The following KCNK12 variants were observed in gnomAD, a reference collection of about 807,000 sequenced individuals.
KCNK12 encodes potassium two pore domain channel subfamily K member 12.
KCNK12 carries 6 observed loss-of-function variants against 25.3 expected under a neutral mutation model. That is an observed-to-expected ratio of 0.24 (90% CI 0.13 to 0.47). The LOEUF (loss-of-function observed/expected upper bound fraction) is 0.47. Ranked by LOEUF, KCNK12 falls within the 20% of genes least tolerant of loss-of-function variation. The pLI, the probability that KCNK12 is intolerant of heterozygous loss-of-function variation, is 0.99. For missense variants in KCNK12, 444 were observed against 661.7 expected, an observed-to-expected ratio of 0.67 and a Z score of 3.61; for synonymous variants, 331 against 311.1, an observed-to-expected ratio of 1.06 and a Z score of -0.67.
chr2:47,564,402 C>G (rs1669749402), intron 1 of KCNK12: 2 of 226,322 alleles, frequency 8.8e-6, no homozygotes, highest in Non-Finnish European at 1.8e-5. Flanking sequence ...AAGATGATCA[C>G]TGTGTCATTA....
At position 47,515,813 on chromosome 2, in the gene KCNK12, G is replaced by A. The variant is rs185385253; in HGVS notation, c.*5094C>T. Among the ~76,000 whole-genome samples, 390 of 152,300 alleles carry A rather than the reference G, an allele frequency of 2.6e-3. 2 individuals carry two copies. The highest frequency in any genetic ancestry group is 8.9e-3 in the African/African-American group (370 of 41,572). On this transcript the variant is annotated 3_prime_UTR_variant, in exon 2 of 2. Coordinates refer to ENST00000327876, the MANE Select transcript of KCNK12 (RefSeq NM_022055.2). ...GCAAGTAAGCTGCTTCTGAAAAGAA[G>A]GGGTTTGCAAAGCCAACCCAGGCAA... is the stretch of plus-strand genomic sequence containing the variant.
At chr2:47,536,440 C>G (rs1026615328) in intron 1 of KCNK12, among the ~76,000 whole-genome samples, 1 of 152,230 alleles carries the variant, frequency 6.6e-6, no homozygotes, top group Non-Finnish European at 1.5e-5. Flanking sequence ...AAATTCCCAA[C>G]AGAACTGACA....
chr2:47,555,869 T>G lies in KCNK12; in HGVS notation c.391+14072A>C, dbSNP rs1380595224. ...CCAGTGAGGATCAAGGACAGCATGA[T>G]GTTCTGGAAGCCAAGAGAAAAGAGG... On this transcript the variant is annotated intron_variant, in intron 1 of 1. Transcript: ENST00000327876. The surrounding 1 kb of genome is among the most constrained non-coding windows in gnomAD (Gnocchi z 4.5). The G allele has an allele frequency of 6.6e-6, 1 of 152,242 alleles. No individual in the cohort carries two copies. Among genetic ancestry groups the G allele is most frequent in the East Asian group, 1.9e-4 (1 of 5,192 alleles). The allele number at this position is 152,242 out of a possible 1,614,324, so 9.4% of individuals were successfully genotyped here.
chr2:47,551,661 T>C lies in KCNK12; in HGVS notation c.391+18280A>G, dbSNP rs959339202. On this transcript the variant is annotated intron_variant, in intron 1 of 1. Transcript: ENST00000327876. The surrounding 1 kb of genome is among the most constrained non-coding windows in gnomAD (Gnocchi z 5.3). ...AAAGTATGACGTGTGAAATCAGTAT[T>C]ACCCCCTACCCCACACGGCACCATA... Among the ~76,000 whole-genome samples, 1 of 152,180 alleles carries C rather than the reference T, an allele frequency of 6.6e-6. No homozygotes were observed. Among genetic ancestry groups the C allele is most frequent in the South Asian group, 2.1e-4 (1 of 4,824 alleles).
At chr2:47,542,063 A>G (rs556471023) in intron 1 of KCNK12, among the ~76,000 whole-genome samples, 1 of 152,274 alleles carries the variant, frequency 6.6e-6, no homozygotes, top group East Asian at 1.9e-4. Context: ...CTGTGTTTAT[A>G]TTTATCCTGC....
At chr2:47,527,353 G>T (rs1668804597) in intron 1 of KCNK12, among the ~76,000 whole-genome samples, 1 of 152,204 alleles carries the variant, frequency 6.6e-6, no homozygotes, top group Non-Finnish European at 1.5e-5. Context: ...TAAAGAGTCT[G>T]CCAAGGTAGA....
rs573129492 is a variant in KCNK12 at position 47,552,228 on chromosome 2, C to G, written c.391+17713G>C. On this transcript the variant is annotated intron_variant, in intron 1 of 1. Coordinates refer to ENST00000327876, the MANE Select transcript of KCNK12 (RefSeq NM_022055.2). ...AATTAAGGTCATTGCCACACACCAA[C>G]CTCTGCTGCACCCCCGCCTCCACCA... Among the ~76,000 whole-genome samples the G allele has an allele frequency of 4.6e-5, 7 of 152,306 alleles. No homozygotes were observed. In the East Asian group the frequency reaches 1.3e-3, roughly 29 times the overall value.
intron 1 of KCNK12, among the ~76,000 whole-genome samples, chr2:47,532,910 G>A (rs1293084581): frequency 6.6e-6 from 1 of 152,194 alleles, no homozygotes; most frequent in Non-Finnish European, 1.5e-5. Flanking sequence ...GTGGTTTCAG[G>A]CTCTGGCGCC....
intron 1 of KCNK12, 52 bp from the exon 2 acceptor site, chr2:47,521,860 A>T: frequency 1.1e-5 from 12 of 1,067,194 alleles, no homozygotes; most frequent in South Asian, 1.9e-5. Context: ...GGTGGTCCTC[A>T]CTGGGCGAGG....
At chr2:47,563,258 CTG>C in intron 1 of KCNK12, 1 of 233,598 alleles carries the variant, frequency 4.3e-6, no homozygotes, top group Non-Finnish European at 8.5e-6. Context: ...CTCCTCCCCT[CTG>C]TGCGTAGCGC....
chr2:47,550,915 T>C (rs1004550686), intron 1 of KCNK12, among the ~76,000 whole-genome samples: 1 of 152,174 alleles, frequency 6.6e-6, no homozygotes, highest in Admixed American at 6.5e-5. Context: ...ACTTCTATAT[T>C]TCCCCCGTAC....
chr2:47,525,437 G>A lies in KCNK12; in HGVS notation c.392-3629C>T, dbSNP rs1668748905. On this transcript the variant is annotated intron_variant, in intron 1 of 1. Transcript: ENST00000327876. The surrounding 1 kb of genome is among the most constrained non-coding windows in gnomAD (Gnocchi z 4.1). ...CACAGGCCTACCCAGAGTGGAGCAT[G>A]GTGAGGGTTCTGGGAGAACCCGGCA... Among the ~76,000 whole-genome samples the A allele has an allele frequency of 6.6e-6, 1 of 152,236 alleles. No homozygotes were observed. Among genetic ancestry groups the A allele is most frequent in the South Asian group, 2.1e-4 (1 of 4,830 alleles).
chr2:47,544,494 A>G (rs767190902), intron 1 of KCNK12, among the ~76,000 whole-genome samples: 28 of 152,248 alleles, frequency 1.8e-4, no homozygotes, highest in Non-Finnish European at 3.1e-4. Context: ...CAGCGTTCCT[A>G]CTGAAACACA....
At chr2:47,567,049 C>T (rs1669799349) in intron 1 of KCNK12, 1 of 152,208 alleles carries the variant, frequency 6.6e-6, no homozygotes, top group African/African-American at 2.4e-5. Flanking sequence ...CAGCCTGATA[C>T]ATACAATCAT....
chr2:47,526,971 C>T (rs1439068129), intron 1 of KCNK12, among the ~76,000 whole-genome samples: 3 of 152,174 alleles, frequency 2.0e-5, no homozygotes, highest in Non-Finnish European at 2.9e-5. Flanking sequence ...GTCATCATGA[C>T]AACCTATGGG....
intron 1 of KCNK12, among the ~76,000 whole-genome samples, chr2:47,524,629 G>A (rs576882016): frequency 4.6e-5 from 7 of 152,324 alleles, no homozygotes; most frequent in African/African-American, 1.7e-4. Context: ...TAGTAGCTGA[G>A]AGGGGACATA....
intron 1 of KCNK12, among the ~76,000 whole-genome samples, chr2:47,526,606 A>C (rs1249706411): frequency 4.0e-5 from 6 of 148,516 alleles, no homozygotes; most frequent in Admixed American, 1.4e-4. Flanking sequence ...AGTGGAGTGC[A>C]CTTGTAATCC....
intron 1 of KCNK12, among the ~76,000 whole-genome samples, chr2:47,545,547 C>T (rs1230025919): frequency 6.6e-6 from 1 of 152,220 alleles, no homozygotes; most frequent in Non-Finnish European, 1.5e-5. Flanking sequence ...ATTTTCGCAG[C>T]ACCAACTTTG....
At chr2:47,545,530 C>G (rs1669294730) in intron 1 of KCNK12, among the ~76,000 whole-genome samples, 1 of 152,206 alleles carries the variant, frequency 6.6e-6, no homozygotes, top group Non-Finnish European at 1.5e-5. Flanking sequence ...TCTCTCAATT[C>G]CTCATCATTT....
Sources: allele counts gnomAD v4.1 joint callset (sites outside exome capture counted in the v4.1 genomes callset), GRCh38; gene constraint gnomAD v4.1.1; non-coding constraint Gnocchi (gnomAD v3.1); transcripts MANE v1.5; gene names NCBI Gene and HGNC (gene_info 2026-07-23, HGNC 2026-07-21).